The following ANO10 variants were observed in gnomAD, a reference collection of about 807,000 sequenced individuals.
ANO10 encodes anoctamin 10, also known as anoctamin-10.
Under a neutral mutation model 74.7 loss-of-function variants are expected in ANO10, and 77 were observed. The ratio of observed to expected loss-of-function variants is 1.03; its 90% CI spans 0.86 to 1.25. The LOEUF (loss-of-function observed/expected upper bound fraction) is 1.25, where lower values mean the gene tolerates loss of function less well. ANO10 is among the 50% of genes most tolerant of loss of function. The pLI is 0.00. For synonymous variants in ANO10, 279 were observed against 284.9 expected (o/e 0.98, Z 0.21); for missense variants, 721 against 778.1 (o/e 0.93, Z 0.87).
intron 11 of ANO10, among the ~76,000 whole-genome samples, chr3:43,443,901 C>T (rs567106087): frequency 5.7e-4 from 87 of 152,028 alleles, no homozygotes; most frequent in Non-Finnish European, 9.3e-4. Flanking sequence ...AGGCGGGTCT[C>T]GAACTCCTGA....
At chr3:43,445,630 T>G (rs978018609) in intron 11 of ANO10, among the ~76,000 whole-genome samples, 6 of 152,042 alleles carry the variant, frequency 3.9e-5, no homozygotes, top group Non-Finnish European at 7.4e-5. Context: ...ATGACCTACA[T>G]CTCCCAAATC....
intron 11 of ANO10, among the ~76,000 whole-genome samples, chr3:43,494,071 T>G (rs754983247): frequency 2.0e-5 from 3 of 152,198 alleles, no homozygotes; most frequent in Non-Finnish European, 4.4e-5. Context: ...ATAATAAGGC[T>G]ATCACTATTC....
intron 12 of ANO10, among the ~76,000 whole-genome samples, chr3:43,419,757 C>T (rs1012372948): frequency 2.6e-5 from 4 of 152,114 alleles, no homozygotes; most frequent in African/African-American, 9.7e-5. Context: ...CTCAAACAAT[C>T]CACCCACCTC....
At chr3:43,642,648 C>T (rs1486939434) in intron 1 of ANO10, among the ~76,000 whole-genome samples, 2 of 152,124 alleles carry the variant, frequency 1.3e-5, no homozygotes, top group African/African-American at 4.8e-5. Flanking sequence ...AGAAGTTTCA[C>T]TCCTAACCCT....
chr3:43,476,245 A>C (rs2076061086), intron 11 of ANO10, among the ~76,000 whole-genome samples: 1 of 152,192 alleles, frequency 6.6e-6, no homozygotes, highest in Admixed American at 6.5e-5. Context: ...GGAACAGAAG[A>C]AAATTCCAAA....
chr3:43,510,996 TCA>T (rs1172870639), intron 11 of ANO10, among the ~76,000 whole-genome samples: 8 of 152,350 alleles, frequency 5.3e-5, no homozygotes, highest in South Asian at 4.1e-4. Context: ...TTATCCCAAT[TCA>T]CAGTTTAATT....
intron 2 of ANO10, among the ~76,000 whole-genome samples, chr3:43,605,284 T>C (rs2082508682): frequency 6.6e-6 from 1 of 152,200 alleles, no homozygotes; most frequent in South Asian, 2.1e-4. Context: ...TTTCTTTATT[T>C]TGAATTTCTT....
At chr3:43,508,898 C>T (rs1045503632) in intron 11 of ANO10, among the ~76,000 whole-genome samples, 1 of 133,688 alleles carries the variant, frequency 7.5e-6, no homozygotes, top group African/African-American at 2.8e-5. Flanking sequence ...ACATATGTAA[C>T]AAACCTGCAC....
At chr3:43,505,605 C>T (rs570305127) in intron 11 of ANO10, among the ~76,000 whole-genome samples, 1 of 152,292 alleles carries the variant, frequency 6.6e-6, no homozygotes, top group South Asian at 2.1e-4. Context: ...CGTGCTCTTT[C>T]CAGTAAGTCA....
chr3:43,457,485 C>T (rs1208571899), intron 11 of ANO10, among the ~76,000 whole-genome samples: 1 of 152,122 alleles, frequency 6.6e-6, no homozygotes, highest in Non-Finnish European at 1.5e-5. Context: ...ACTATTGAAA[C>T]ACTTATAAAA....
intron 11 of ANO10, chr3:43,485,861 A>G (rs1206271333): frequency 7.1e-6 from 2 of 280,244 alleles, no homozygotes; most frequent in Admixed American, 9.1e-5. Context: ...GTACTCTCGT[A>G]GTGTGCCCAA....
At chr3:43,653,615 G>A (rs1442077473) in intron 1 of ANO10, among the ~76,000 whole-genome samples, 3 of 152,130 alleles carry the variant, frequency 2.0e-5, no homozygotes, top group Admixed American at 1.3e-4. Context: ...TGTGTACAAG[G>A]TTATATATTC....
intron 11 of ANO10, among the ~76,000 whole-genome samples, chr3:43,487,413 A>G (rs958550383): frequency 7.9e-5 from 12 of 152,182 alleles, no homozygotes; most frequent in Middle Eastern, 6.8e-3. Context: ...GGTAGAATTC[A>G]GCTGTGAATC....
At position 43,591,771 on chromosome 3, in the gene ANO10, G is replaced by A. The variant is rs558503057; in HGVS notation, c.472+6761C>T. Reference sequence around the variant, plus strand: ...GTGGGTGCAGGACAGTGGGTGCAGCGCACGGACAGAGCCGAAGCAGGGCGA... The same window carrying A: ...GTGGGTGCAGGACAGTGGGTGCAGCACACGGACAGAGCCGAAGCAGGGCGA... On this transcript the variant is annotated intron_variant, in intron 4 of 12. Coordinates refer to ENST00000292246, the MANE Select transcript of ANO10 (RefSeq NM_018075.5). 6.0e-4 allele frequency among the ~76,000 whole-genome samples: 91 copies of A among 152,264 alleles called. 1 individual carries two copies. The highest frequency in any genetic ancestry group is 2.1e-3 in the African/African-American group (89 of 41,562).
At chr3:43,687,666 G>C (rs1415303459) in intron 1 of ANO10, among the ~76,000 whole-genome samples, 1 of 152,182 alleles carries the variant, frequency 6.6e-6, no homozygotes, top group Non-Finnish European at 1.5e-5. Flanking sequence ...CCAAATGTAA[G>C]CACTGCTCAA....
intron 7 of ANO10, among the ~76,000 whole-genome samples, chr3:43,572,863 C>G (rs2080806260): frequency 6.6e-6 from 1 of 152,080 alleles, no homozygotes; most frequent in Non-Finnish European, 1.5e-5. Flanking sequence ...GACCGCAGGA[C>G]AGGGGTGCTA....
chr3:43,510,399 C>T (rs532529292), intron 11 of ANO10, among the ~76,000 whole-genome samples: 1 of 148,478 alleles, frequency 6.7e-6, no homozygotes, highest in East Asian at 2.0e-4. Context: ...CCATTGCACT[C>T]CAGCCTAGGA....
intron 7 of ANO10, among the ~76,000 whole-genome samples, chr3:43,568,711 T>C (rs1450263561): frequency 1.4e-5 from 2 of 146,420 alleles, no homozygotes; most frequent in African/African-American, 5.1e-5. Context: ...TTTATAGCAC[T>C]AAATGCCCAC....
At chr3:43,501,148 C>T (rs868761307) in intron 11 of ANO10, among the ~76,000 whole-genome samples, 53 of 152,354 alleles carry the variant, frequency 3.5e-4, no homozygotes, top group Middle Eastern at 3.4e-3. Context: ...GCACCAGCAT[C>T]TCCATCTGGT....
Sources: allele counts gnomAD v4.1 joint callset (sites outside exome capture counted in the v4.1 genomes callset), GRCh38; gene constraint gnomAD v4.1.1; transcripts MANE v1.5; gene names NCBI Gene and HGNC (gene_info 2026-07-23, HGNC 2026-07-21).